ADAMTS3: variants seen among roughly 807,000 people sequenced by gnomAD.
ADAMTS3 encodes A disintegrin and metalloproteinase with thrombospondin motifs 3.
Under a neutral mutation model 129.0 loss-of-function variants are expected in ADAMTS3, and 73 were observed. That is an observed-to-expected ratio of 0.57 (90% confidence interval 0.47 to 0.69). The LOEUF (loss-of-function observed/expected upper bound fraction) is 0.69, where lower values mean the gene tolerates loss of function less well. Among genes scored for constraint, ADAMTS3 ranks in the 30% least tolerant of loss-of-function variants. The probability of loss-of-function intolerance (pLI) is 0.00; values close to 1 mark genes in which losing one functional copy is unlikely to be tolerated. For synonymous variants in ADAMTS3, 477 were observed against 510.8 expected (o/e 0.93, Z 0.89); for missense variants, 1,457 against 1,514.5 (o/e 0.96, Z 0.63).
intron 3 of ADAMTS3, among the ~76,000 whole-genome samples, chr4:72,530,449 ATAT>A (rs1720983473): frequency 1.8e-5 from 1 of 54,150 alleles, no homozygotes; most frequent in African/African-American, 8.5e-5. Context: ...AATTTAATAT[ATAT>A]TATATATTAA....
intron 5 of ADAMTS3, among the ~76,000 whole-genome samples, chr4:72,328,694 AT>A: frequency 1.1e-5 from 1 of 94,542 alleles, no homozygotes; most frequent in Non-Finnish European, 3.4e-5. Context: ...CCTTGCAAAT[AT>A]AAAAAAAAAT....
At chr4:72,373,925 A>C (rs966941259) in intron 4 of ADAMTS3, among the ~76,000 whole-genome samples, 3 of 100,072 alleles carry the variant, frequency 3.0e-5, no homozygotes, top group African/African-American at 8.2e-5. Flanking sequence ...AATAATAATA[A>C]TAATAATAAT....
At chr4:72,367,696 A>T (rs936874156) in intron 4 of ADAMTS3, among the ~76,000 whole-genome samples, 1 of 152,096 alleles carries the variant, frequency 6.6e-6, no homozygotes, top group Admixed American at 6.6e-5. Context: ...TAAAAACACA[A>T]AAGATTAGCC....
At chr4:72,340,750 G>A (rs987825881) in intron 4 of ADAMTS3, among the ~76,000 whole-genome samples, 1 of 152,004 alleles carries the variant, frequency 6.6e-6, no homozygotes, top group Non-Finnish European at 1.5e-5. Context: ...TCTGTTTTCA[G>A]ATGACTATAT....
chr4:72,407,562 AG>A (rs1206243667), intron 4 of ADAMTS3, among the ~76,000 whole-genome samples: 1 of 152,186 alleles, frequency 6.6e-6, no homozygotes, highest in Non-Finnish European at 1.5e-5. Flanking sequence ...TGACAATAAA[AG>A]AATACATAGC....
At chr4:72,507,362 T>C (rs560820425) in intron 3 of ADAMTS3, among the ~76,000 whole-genome samples, 61 of 152,126 alleles carry the variant, frequency 4.0e-4, no homozygotes, top group Middle Eastern at 3.4e-3. Flanking sequence ...CAATCCAAGA[T>C]TGTACAATCA....
At chr4:72,380,561 T>C (rs896873964) in intron 4 of ADAMTS3, among the ~76,000 whole-genome samples, 2 of 152,188 alleles carry the variant, frequency 1.3e-5, no homozygotes, top group South Asian at 2.1e-4. Context: ...AGGTTTCATT[T>C]GATAAAGGTA....
chr4:72,567,946 G>C (rs1390750741), intron 1 of ADAMTS3: 6 of 153,758 alleles, frequency 3.9e-5, no homozygotes. Flanking sequence ...GGACTCTTCT[G>C]AGAGCATCGG....
chr4:72,525,886 G>C (rs1405887142), intron 3 of ADAMTS3, among the ~76,000 whole-genome samples: 2 of 152,182 alleles, frequency 1.3e-5, no homozygotes, highest in East Asian at 3.8e-4. Context: ...ACTGGCGGGG[G>C]AGAGAGGGTT....
chr4:72,360,754 A>C (rs945993210), intron 4 of ADAMTS3, among the ~76,000 whole-genome samples: 1 of 152,050 alleles, frequency 6.6e-6, no homozygotes, highest in Admixed American at 6.6e-5. Flanking sequence ...TTTCCATTTA[A>C]GCTATTCTTT....
Position 72,569,073 on chromosome 4 carries a change from TC to T in ADAMTS3, c.-312del. The T allele has an allele frequency of 4.7e-6, 2 of 425,864 alleles. No individual in the cohort carries two copies. The highest frequency in any genetic ancestry group is 8.4e-6 in the Non-Finnish European group (2 of 237,676). The allele number at this position is 425,864 out of a possible 1,614,324, so 26.4% of individuals were successfully genotyped here. A position where few individuals can be genotyped will look rare whatever the true frequency, so the allele number is the denominator to read the frequency against. ...GAGAGGGGGAAGGGACGAGGGGCTT[TC>T]CAACTATCTCTGCCCAAAGCAGCTT... On this transcript the variant is annotated 5_prime_UTR_variant, in exon 1 of 22. Transcript: ENST00000286657.
intron 3 of ADAMTS3, among the ~76,000 whole-genome samples, chr4:72,505,533 G>T (rs1044998924): frequency 2.0e-5 from 3 of 152,240 alleles, no homozygotes; most frequent in Admixed American, 6.5e-5. Flanking sequence ...AAGCACAGCA[G>T]TCCAAGCTCC....
chr4:72,424,920 T>C (rs1422672417), intron 3 of ADAMTS3, among the ~76,000 whole-genome samples: 17 of 152,124 alleles, frequency 1.1e-4, no homozygotes. Flanking sequence ...CTCTTCTTGC[T>C]GACTTATTAT....
chr4:72,479,749 G>A (rs1166046598), intron 3 of ADAMTS3, among the ~76,000 whole-genome samples: 1 of 152,102 alleles, frequency 6.6e-6, no homozygotes, highest in Admixed American at 6.6e-5. Flanking sequence ...CCATCAGAGT[G>A]AACAGGCAGC....
At chr4:72,418,847 C>T (rs555552614) in intron 3 of ADAMTS3, among the ~76,000 whole-genome samples, 3 of 152,348 alleles carry the variant, frequency 2.0e-5, no homozygotes, top group African/African-American at 7.2e-5. Context: ...TTAAGGCCCA[C>T]GTCATCTGCG....
chr4:72,312,241 A>G (rs895973485), intron 13 of ADAMTS3, 50 bp downstream of exon 13: 1 of 1,601,340 alleles, frequency 6.2e-7, no homozygotes, highest in Admixed American at 1.7e-5. Flanking sequence ...CAAAGCTTAA[A>G]CTGTGAGTAA....
intron 10 of ADAMTS3, among the ~76,000 whole-genome samples, chr4:72,316,957 C>T (rs1237916144): frequency 6.6e-6 from 1 of 152,086 alleles, no homozygotes; most frequent in African/African-American, 2.4e-5. Context: ...GGTTTTCATA[C>T]TCTTCAGAAT....
chr4:72,320,713 C>T lies in ADAMTS3; in HGVS notation c.1102+1G>A. On this transcript the variant is annotated splice_donor_variant, in intron 7 of 21. Coordinates refer to ENST00000286657, the MANE Select transcript of ADAMTS3 (RefSeq NM_014243.3). LOFTEE classifies it high-confidence loss of function. ...TTTCTTCTACATATTGACAGCAATA[C>T]CTTGCATTCCAGCAGGTCCAAAGTC... 6.2e-7 allele frequency: 1 copy of T among 1,612,774 alleles called. No homozygotes were observed. Among genetic ancestry groups the T allele is most frequent in the Non-Finnish European group, 8.5e-7 (1 of 1,179,420 alleles).
intron 4 of ADAMTS3, among the ~76,000 whole-genome samples, chr4:72,386,964 G>A (rs1721464282): frequency 6.6e-6 from 1 of 152,064 alleles, no homozygotes. Context: ...AAACATTAGA[G>A]TTAATTTACA....
Sources: gnomAD v4.1 joint callset for allele counts (sites outside exome capture counted in the v4.1 genomes callset) on GRCh38, gnomAD v4.1.1 for gene constraint, MANE v1.5 for transcripts, NCBI Gene and HGNC (gene_info 2026-07-23, HGNC 2026-07-21) for gene names.